The following CDC42BPA variants were observed in gnomAD, a reference collection of about 807,000 sequenced individuals.
CDC42BPA encodes the protein CDC42 binding protein kinase alpha, also known as serine/threonine-protein kinase MRCK alpha.
CDC42BPA carries 80 observed loss-of-function variants against 223.5 expected under a neutral mutation model. That is an observed-to-expected ratio of 0.36 (90% CI 0.30 to 0.43). The LOEUF (loss-of-function observed/expected upper bound fraction) is 0.43, where lower values mean the gene tolerates loss of function less well. Ranked by LOEUF, CDC42BPA falls within the 20% of genes least tolerant of loss-of-function variation. The pLI is 1.00. For synonymous variants in CDC42BPA, 694 were observed against 718.6 expected (o/e 0.97, Z 0.55); for missense variants, 1,743 against 2,099.9 (o/e 0.83, Z 3.32).
Position 227,068,603 on chromosome 1 carries a change from C to T in CDC42BPA, c.2904+1174G>A. On this transcript the variant is annotated intron_variant, in intron 21 of 36. Transcript: ENST00000366766. ...ACTAGGCAAATTCTTCAAATCAATTCACTGATCTTTTTTACTGAAGGATGC... is the reference window on the plus strand; with the variant it reads ...ACTAGGCAAATTCTTCAAATCAATTTACTGATCTTTTTTACTGAAGGATGC... 12 of 882,808 alleles carry T rather than the reference C, an allele frequency of 1.4e-5. No homozygotes were observed. In the South Asian group the frequency reaches 2.6e-4, roughly 19 times the overall value. The allele number at this position is 882,808 out of a possible 1,614,324, so 54.7% of individuals were successfully genotyped here. A position where few individuals can be genotyped will look rare whatever the true frequency, so the allele number is the denominator to read the frequency against.
chr1:227,288,708 T>G (rs1572881323), intron 1 of CDC42BPA, among the ~76,000 whole-genome samples: 1 of 150,610 alleles, frequency 6.6e-6, no homozygotes, highest in East Asian at 2.0e-4. Context: ...AAAAAAAATT[T>G]TTAAGGCCAG....
At chr1:227,271,971 A>G (rs1037140979) in intron 1 of CDC42BPA, among the ~76,000 whole-genome samples, 1 of 152,220 alleles carries the variant, frequency 6.6e-6, no homozygotes, top group Non-Finnish European at 1.5e-5. Flanking sequence ...AAATATAGGT[A>G]CTAAGTAAAT....
At chr1:227,191,800 C>T (rs1669756328) in intron 5 of CDC42BPA, among the ~76,000 whole-genome samples, 1 of 152,064 alleles carries the variant, frequency 6.6e-6, no homozygotes, top group Non-Finnish European at 1.5e-5. Context: ...CTATAACTGA[C>T]TCTTGAGACC....
At chr1:227,102,397 G>A (rs1685198966) in intron 14 of CDC42BPA, among the ~76,000 whole-genome samples, 1 of 152,140 alleles carries the variant, frequency 6.6e-6, no homozygotes, top group Non-Finnish European at 1.5e-5. Flanking sequence ...AAGAACCAGA[G>A]CAAGGCAGAT....
chr1:227,140,998 C>T (rs1483269825), intron 9 of CDC42BPA, among the ~76,000 whole-genome samples: 2 of 152,084 alleles, frequency 1.3e-5, no homozygotes, highest in African/African-American at 2.4e-5. Context: ...GAATGACCAG[C>T]AAGGTGAGAG....
At chr1:227,213,486 T>C (rs1020018434) in intron 2 of CDC42BPA, among the ~76,000 whole-genome samples, 3 of 152,190 alleles carry the variant, frequency 2.0e-5, no homozygotes, top group African/African-American at 7.2e-5. Context: ...CTGTATTAGT[T>C]GGTAATTACA....
At chr1:227,257,251 G>C (rs1278832562) in intron 1 of CDC42BPA, among the ~76,000 whole-genome samples, 2 of 152,106 alleles carry the variant, frequency 1.3e-5, no homozygotes, top group Non-Finnish European at 2.9e-5. Flanking sequence ...AAGTTTTAGA[G>C]ACAGCTATGT....
At chr1:227,156,426 GAC>G (rs1402822696) in intron 6 of CDC42BPA, among the ~76,000 whole-genome samples, 1 of 2,462 alleles carries the variant, frequency 4.1e-4, no homozygotes, top group East Asian at 1.2e-3. Context: ...AAGTCTCAAA[GAC>G]TTTGAGAGGC....
intron 5 of CDC42BPA, among the ~76,000 whole-genome samples, chr1:227,188,340 T>C (rs776937823): frequency 3.3e-5 from 5 of 151,952 alleles, no homozygotes; most frequent in Non-Finnish European, 7.4e-5. Context: ...AAATTTATAT[T>C]GCAAACTCTA....
intron 6 of CDC42BPA, among the ~76,000 whole-genome samples, chr1:227,159,690 T>C (rs1244069930): frequency 6.7e-6 from 1 of 149,994 alleles, no homozygotes; most frequent in Non-Finnish European, 1.5e-5. Context: ...GCATATAAAC[T>C]TTTTTTTTTC....
chr1:227,085,908 C>A (rs550993904), intron 16 of CDC42BPA, among the ~76,000 whole-genome samples: 26 of 152,272 alleles, frequency 1.7e-4, no homozygotes, highest in Non-Finnish European at 3.1e-4. Context: ...CAAACTTCAA[C>A]AGTTGTACAG....
intron 15 of CDC42BPA, among the ~76,000 whole-genome samples, chr1:227,094,199 T>A (rs1182978536): frequency 6.6e-6 from 1 of 152,158 alleles, no homozygotes; most frequent in Non-Finnish European, 1.5e-5. Flanking sequence ...TAAACTTTTT[T>A]TATCTGAGGA....
intron 1 of CDC42BPA, among the ~76,000 whole-genome samples, chr1:227,260,839 T>C (rs911061940): frequency 6.6e-6 from 1 of 150,978 alleles, no homozygotes; most frequent in Non-Finnish European, 1.5e-5. Flanking sequence ...GAAAAGAGAA[T>C]AATCCATGCA....
chr1:227,239,380 G>C (rs771977636), intron 2 of CDC42BPA, among the ~76,000 whole-genome samples: 1 of 152,108 alleles, frequency 6.6e-6, no homozygotes, highest in Non-Finnish European at 1.5e-5. Context: ...CCCACTGAAC[G>C]TACAACATCA....
intron 6 of CDC42BPA, among the ~76,000 whole-genome samples, chr1:227,150,836 C>A (rs1661601245): frequency 7.1e-6 from 1 of 140,344 alleles, no homozygotes; most frequent in Non-Finnish European, 1.5e-5. Flanking sequence ...TTTTTAAAAA[C>A]CACCCACTTT....
At chr1:227,142,692 T>G (rs1659915266) in intron 9 of CDC42BPA, among the ~76,000 whole-genome samples, 1 of 152,048 alleles carries the variant, frequency 6.6e-6, no homozygotes, top group Non-Finnish European at 1.5e-5. Flanking sequence ...CAGTCTCGGC[T>G]CACTGCAACC....
chr1:227,206,239 T>G (rs967829424), intron 3 of CDC42BPA, among the ~76,000 whole-genome samples: 1 of 152,172 alleles, frequency 6.6e-6, no homozygotes, highest in Non-Finnish European at 1.5e-5. Context: ...AGTAGTTCAT[T>G]TGTTAATTTA....
chr1:227,256,940 T>TACACACACACAC (rs1160019576), intron 1 of CDC42BPA, among the ~76,000 whole-genome samples: 38 of 117,616 alleles, frequency 3.2e-4, no homozygotes, highest in Non-Finnish European at 4.6e-4. Flanking sequence ...ATGTGATATA[T>TACACACACACAC]ATATACAGAC....
At chr1:227,080,855 A>G in intron 17 of CDC42BPA, 38 bp downstream of exon 17, 1 of 1,610,790 alleles carries the variant, frequency 6.2e-7, no homozygotes, top group Non-Finnish European at 8.5e-7. Context: ...CCACATACTC[A>G]CAATCATCCA....
Sources: gnomAD v4.1 joint callset for allele counts (sites outside exome capture counted in the v4.1 genomes callset) on GRCh38, gnomAD v4.1.1 for gene constraint, MANE v1.5 for transcripts, NCBI Gene and HGNC (gene_info 2026-07-23, HGNC 2026-07-21) for gene names.